The following TMEFF2 variants were observed in gnomAD, a reference collection of about 807,000 sequenced individuals.
The protein encoded by TMEFF2 is tomoregulin-2.
A neutral mutation model predicts 53.8 loss-of-function variants in TMEFF2; 28 were observed. That is an observed-to-expected ratio of 0.52 (90% CI 0.39 to 0.71). The LOEUF is 0.71. Among genes scored for constraint, TMEFF2 ranks in the 30% least tolerant of loss-of-function variants. TMEFF2 has a pLI of 0.00. For synonymous variants in TMEFF2, 162 were observed against 166.3 expected, an observed-to-expected ratio of 0.97 and a Z score of 0.20; for missense variants, 353 against 455.2, an observed-to-expected ratio of 0.78 and a Z score of 2.04.
intron 4 of TMEFF2, among the ~76,000 whole-genome samples, chr2:192,076,795 G>A (rs1688442167): frequency 6.6e-6 from 1 of 152,158 alleles, no homozygotes; most frequent in African/African-American, 2.4e-5. Flanking sequence ...TCCCACCACA[G>A]ATGGTGAAGT....
chr2:192,078,911 C>G (rs763254033), intron 4 of TMEFF2, among the ~76,000 whole-genome samples: 48 of 152,148 alleles, frequency 3.2e-4, no homozygotes, highest in Non-Finnish European at 6.0e-4. Context: ...GTATTCTATT[C>G]CTACTAATGG....
At chr2:192,161,635 G>C (rs1292774260) in intron 4 of TMEFF2, among the ~76,000 whole-genome samples, 1 of 152,222 alleles carries the variant, frequency 6.6e-6, no homozygotes, top group Non-Finnish European at 1.5e-5. Context: ...ATGTGGACCA[G>C]TCTGGAGACA....
chr2:192,048,395 C>CAA (rs1260466382), intron 5 of TMEFF2, among the ~76,000 whole-genome samples: 1 of 151,090 alleles, frequency 6.6e-6, no homozygotes, highest in Non-Finnish European at 1.5e-5. Flanking sequence ...CACACACACA[C>CAA]AGAAAATATA....
intron 5 of TMEFF2, among the ~76,000 whole-genome samples, chr2:192,016,978 C>T (rs1359749214): frequency 6.6e-6 from 1 of 152,134 alleles, no homozygotes; most frequent in African/African-American, 2.4e-5. Context: ...GAGGCAAATG[C>T]AAGGCTGCAT....
chr2:191,949,867 TG>T lies in TMEFF2; in HGVS notation c.*443del, dbSNP rs146694890. ...CAATAACCATCATTTCCCTTGATCT[TG>T]GAATCATTCAAAACCTAGCCACTGA... is the stretch of plus-strand genomic sequence containing the variant. On this transcript the variant is annotated 3_prime_UTR_variant, in exon 10 of 10. Transcript: ENST00000272771. 1,665 of 986,646 alleles carry T rather than the reference TG, an allele frequency of 1.7e-3. 14 individuals are homozygous for T. The African/African-American group carries it at 0.027, about 16-fold the overall frequency. The allele number at this position is 986,646 out of a possible 1,614,324, so 61.1% of individuals were successfully genotyped here. A position where few individuals can be genotyped will look rare whatever the true frequency, so the allele number is the denominator to read the frequency against.
chr2:192,045,141 G>A (rs558064751), intron 5 of TMEFF2, among the ~76,000 whole-genome samples: 35 of 152,218 alleles, frequency 2.3e-4, no homozygotes, highest in Non-Finnish European at 4.9e-4. Context: ...ATTTACAGAA[G>A]ATTCTGCATG....
chr2:192,034,887 T>C (rs1258901965), intron 5 of TMEFF2: 1 of 152,228 alleles, frequency 6.6e-6, no homozygotes, highest in Non-Finnish European at 1.5e-5. Context: ...CATGGATGGG[T>C]AGGTAAACAC....
intron 4 of TMEFF2, among the ~76,000 whole-genome samples, chr2:192,148,959 C>G (rs1055750080): frequency 2.6e-5 from 4 of 151,854 alleles, no homozygotes; most frequent in African/African-American, 9.7e-5. Flanking sequence ...TCCAGGAGGT[C>G]CCTAAGTCCC....
At position 191,950,230 on chromosome 2, in the gene TMEFF2, C is replaced by CGGTGGTCG; in HGVS notation, c.*80_*81insCGACCACC. ...AATGCAAGGCAACATGTGTAGATCT[C>CGGTGGTCG]TTGTCTTATTCTTTTGTCTATAATA... On this transcript the variant is annotated 3_prime_UTR_variant, in exon 10 of 10. Coordinates refer to ENST00000272771, the MANE Select transcript of TMEFF2 (RefSeq NM_016192.4). 1 of 1,542,298 alleles carries CGGTGGTCG rather than the reference C, an allele frequency of 6.5e-7. No individual in the cohort carries two copies.
intron 4 of TMEFF2, among the ~76,000 whole-genome samples, chr2:192,066,865 A>T (rs765601105): frequency 2.0e-5 from 3 of 151,916 alleles, no homozygotes; most frequent in Non-Finnish European, 4.4e-5. Context: ...AATTAAATAT[A>T]GCTTTGTTAT....
intron 4 of TMEFF2, among the ~76,000 whole-genome samples, chr2:192,086,733 A>T: frequency 6.6e-6 from 1 of 152,132 alleles, no homozygotes; most frequent in African/African-American, 2.4e-5. Context: ...CACGTCTTTA[A>T]TTCATTGTGG....
chr2:192,175,119 T>C (rs1056132189), intron 4 of TMEFF2, among the ~76,000 whole-genome samples: 2 of 151,744 alleles, frequency 1.3e-5, no homozygotes, highest in African/African-American at 4.8e-5. Context: ...AACTGTGTCA[T>C]ATTCATCTTT....
At chr2:192,002,393 T>C (rs1285664566) in intron 5 of TMEFF2, among the ~76,000 whole-genome samples, 1 of 152,212 alleles carries the variant, frequency 6.6e-6, no homozygotes, top group African/African-American at 2.4e-5. Context: ...TACTTGCATA[T>C]ATTAAATAAA....
chr2:191,953,163 C>T (rs6752215), intron 9 of TMEFF2, among the ~76,000 whole-genome samples: 93,355 of 152,000 alleles, frequency 0.61, 29,252 homozygotes, highest in East Asian at 0.91. Flanking sequence ...AAAGGAAACC[C>T]CTGTGTCTTT....
intron 4 of TMEFF2, among the ~76,000 whole-genome samples, chr2:192,112,254 C>T (rs1304511130): frequency 6.6e-6 from 1 of 152,206 alleles, no homozygotes; most frequent in Non-Finnish European, 1.5e-5. Flanking sequence ...GGGAGGCTGT[C>T]ACTGCAAAGC....
intron 4 of TMEFF2, among the ~76,000 whole-genome samples, chr2:192,105,411 G>A (rs1689123384): frequency 6.6e-6 from 1 of 151,768 alleles, no homozygotes; most frequent in South Asian, 2.1e-4. Flanking sequence ...CTATTATTTT[G>A]TGAAGACATT....
chr2:192,117,331 ACT>A (rs1689437324), intron 4 of TMEFF2, among the ~76,000 whole-genome samples: 1 of 152,282 alleles, frequency 6.6e-6, no homozygotes, highest in Admixed American at 6.5e-5. Flanking sequence ...ACTGGTATAT[ACT>A]GTTATGTGCT....
At chr2:191,966,918 G>C (rs906712307) in intron 7 of TMEFF2, among the ~76,000 whole-genome samples, 1 of 152,078 alleles carries the variant, frequency 6.6e-6, no homozygotes, top group East Asian at 1.9e-4. Flanking sequence ...AAGGAACAGA[G>C]GTATAGCTTT....
At chr2:191,957,215 TTGTAA>T in intron 7 of TMEFF2, among the ~76,000 whole-genome samples, 1 of 152,348 alleles carries the variant, frequency 6.6e-6, no homozygotes, top group South Asian at 2.1e-4. Context: ...TGCTTCATAT[TTGTAA>T]TGCCATATTT....
Sources: gnomAD v4.1 joint callset for allele counts (sites outside exome capture counted in the v4.1 genomes callset) on GRCh38, gnomAD v4.1.1 for gene constraint, MANE v1.5 for transcripts, NCBI Gene and HGNC (gene_info 2026-07-23, HGNC 2026-07-21) for gene names.